LIPI: variants seen among roughly 807,000 people sequenced by gnomAD.
LIPI encodes the protein lipase member I.
A neutral mutation model predicts 50.6 loss-of-function variants in LIPI; 59 were observed. The ratio of observed to expected loss-of-function variants is 1.16; its 90% CI spans 0.94 to 1.45. LIPI has a LOEUF of 1.45. LIPI is among the 40% of genes most tolerant of loss of function. The pLI is 0.00. For missense variants in LIPI, 586 were observed against 536.3 expected, an observed-to-expected ratio of 1.09 and a Z score of -0.92; for synonymous variants, 203 against 178.2, an observed-to-expected ratio of 1.14 and a Z score of -1.11.
At chr21:14,166,338 C>A (rs758764087) in intron 5 of LIPI, 24 bp downstream of exon 5, 1 of 1,211,102 alleles carries the variant, frequency 8.3e-7, no homozygotes, top group East Asian at 2.3e-5. Context: ...TTATGTAGTT[C>A]ATTCAAAAAT....
chr21:14,196,392 C>A (rs972508352), intron 1 of LIPI, among the ~76,000 whole-genome samples: 1 of 152,018 alleles, frequency 6.6e-6, no homozygotes, highest in African/African-American at 2.4e-5. Flanking sequence ...TAAAGAAGGT[C>A]TGGGTTATAT....
intron 9 of LIPI, among the ~76,000 whole-genome samples, chr21:14,143,169 A>G (rs2017776188): frequency 6.6e-6 from 1 of 152,178 alleles, no homozygotes; most frequent in African/African-American, 2.4e-5. Flanking sequence ...AAAAATAACA[A>G]TAATAATAAC....
intron 7 of LIPI, among the ~76,000 whole-genome samples, chr21:14,159,499 T>C (rs1282574562): frequency 6.6e-6 from 1 of 151,326 alleles, no homozygotes; most frequent in Non-Finnish European, 1.5e-5. Flanking sequence ...GGGAACTAAC[T>C]CAATTTTATA....
At chr21:14,167,547 C>T (rs545626178) in intron 4 of LIPI, among the ~76,000 whole-genome samples, 13 of 152,268 alleles carry the variant, frequency 8.5e-5, no homozygotes, top group South Asian at 6.2e-4. Context: ...CAGCAGCATT[C>T]GCAGTTCACG....
At chr21:14,110,033 A>G (rs2016339561) in intron 9 of LIPI, among the ~76,000 whole-genome samples, 1 of 151,986 alleles carries the variant, frequency 6.6e-6, no homozygotes, top group Non-Finnish European at 1.5e-5. Flanking sequence ...CAAAATGCAT[A>G]CTGAATTTGT....
chr21:14,144,474 T>G (rs1309802791), intron 9 of LIPI, 149 bp downstream of exon 9: 33 of 478,468 alleles, frequency 6.9e-5, no homozygotes, highest in Non-Finnish European at 8.3e-5. Context: ...CTTTATACCT[T>G]TTTGAGATTC....
At chr21:14,109,766 C>T (rs1226337099) in intron 9 of LIPI, among the ~76,000 whole-genome samples, 1 of 151,906 alleles carries the variant, frequency 6.6e-6, no homozygotes, top group East Asian at 1.9e-4. Context: ...CCTCTACAAG[C>T]ATCACAAAAC....
chr21:14,172,919 C>G (rs7283595), intron 4 of LIPI, among the ~76,000 whole-genome samples: 2 of 151,498 alleles, frequency 1.3e-5, no homozygotes, highest in Admixed American at 1.3e-4. Flanking sequence ...TCCTTGCAGT[C>G]GAAAATACTT....
chr21:14,183,184 A>G (rs2019334301), intron 3 of LIPI, among the ~76,000 whole-genome samples: 2 of 152,124 alleles, frequency 1.3e-5, no homozygotes, highest in African/African-American at 4.8e-5. Context: ...ATCTACAACT[A>G]TCTGATCTTT....
rs35608622 is a variant in LIPI at position 14,124,994 on chromosome 21, G to GA, written c.1296-15915dup. ...TGCAACAAGAGTGAAACTCCACCTCGAAAAAAAAAAATGTCAAACTAGAAT... is the reference window on the plus strand; with the variant it reads ...TGCAACAAGAGTGAAACTCCACCTCGAAAAAAAAAAAATGTCAAACTAGAAT... On this transcript the variant is annotated intron_variant, in intron 9 of 9. Transcript: ENST00000681601. Among the ~76,000 whole-genome samples the GA allele has an allele frequency of 8.8e-4, 129 of 146,506 alleles. 1 individual carries two copies. The highest frequency in any genetic ancestry group is 3.6e-3 in the Middle Eastern group (1 of 280).
intron 4 of LIPI, among the ~76,000 whole-genome samples, chr21:14,176,523 T>C (rs1472852680): frequency 6.6e-6 from 1 of 151,738 alleles, no homozygotes; most frequent in Non-Finnish European, 1.5e-5. Flanking sequence ...TATTTGATTA[T>C]ATTATTTATT....
chr21:14,118,555 A>C (rs1458295188), intron 9 of LIPI, among the ~76,000 whole-genome samples: 1 of 152,210 alleles, frequency 6.6e-6, no homozygotes, highest in Non-Finnish European at 1.5e-5. Context: ...ATAGGACCTT[A>C]AGCCTAAGGC....
intron 1 of LIPI, among the ~76,000 whole-genome samples, chr21:14,192,263 G>A (rs777474088): frequency 3.3e-5 from 5 of 152,094 alleles, no homozygotes; most frequent in East Asian, 1.9e-4. Flanking sequence ...TCAGGAGTTC[G>A]AGATAAGCCT....
chr21:14,209,632 C>A (rs2020314149), intron 1 of LIPI, among the ~76,000 whole-genome samples: 1 of 152,010 alleles, frequency 6.6e-6, no homozygotes, highest in African/African-American at 2.4e-5. Context: ...AATTAGCAGA[C>A]AGAAACATAC....
chr21:14,147,543 A>G (rs2017949095), intron 8 of LIPI, among the ~76,000 whole-genome samples: 1 of 152,154 alleles, frequency 6.6e-6, no homozygotes, highest in Non-Finnish European at 1.5e-5. Flanking sequence ...TTTAAAATCT[A>G]TCTGCTATAG....
At chr21:14,166,514 AC>A in intron 4 of LIPI, 63 bp from the exon 5 acceptor site, 1 of 844,184 alleles carries the variant, frequency 1.2e-6, no homozygotes, top group East Asian at 2.4e-5. Context: ...CTTGCATAAA[AC>A]AAAATAGCCT....
In LIPI at chr21:14,149,301, A is replaced by G. The variant is rs137936218; in HGVS notation, c.1118+3272T>C. ...CAGATCTCTTGAGAACTTACTCTCT[A>G]TCAAGAGAATAATATAGGGGAAACC... On this transcript the variant is annotated intron_variant, in intron 8 of 9. Coordinates refer to ENST00000681601, the MANE Select transcript of LIPI (RefSeq NM_001302998.2). Among the ~76,000 whole-genome samples, 7 of 152,274 alleles carry G rather than the reference A, an allele frequency of 4.6e-5. No homozygotes were observed. In the East Asian group the frequency reaches 1.4e-3, roughly 29 times the overall value.
chr21:14,135,417 A>G (rs2017455276), intron 9 of LIPI, among the ~76,000 whole-genome samples: 1 of 152,142 alleles, frequency 6.6e-6, no homozygotes, highest in Non-Finnish European at 1.5e-5. Flanking sequence ...AGATAGAAAA[A>G]TCAGCTCTGA....
At chr21:14,163,761 T>C (rs2018578040) in intron 6 of LIPI, among the ~76,000 whole-genome samples, 1 of 151,980 alleles carries the variant, frequency 6.6e-6, no homozygotes. Context: ...TTATCAGAGC[T>C]TAGCATACTC....
Sources: allele counts gnomAD v4.1 joint callset (sites outside exome capture counted in the v4.1 genomes callset), GRCh38; gene constraint gnomAD v4.1.1; transcripts MANE v1.5; gene names NCBI Gene and HGNC (gene_info 2026-07-23, HGNC 2026-07-21).